The following MPPED1 variants were observed in gnomAD, a reference collection of about 807,000 sequenced individuals.
MPPED1 encodes metallophosphoesterase domain containing 1.
In MPPED1, 16 loss-of-function variants were observed where a neutral mutation model predicts 36.2. That is an observed-to-expected ratio of 0.44 (90% CI 0.30 to 0.67). MPPED1 has a LOEUF of 0.67. Among genes scored for constraint, MPPED1 ranks in the 30% least tolerant of loss-of-function variants. The pLI, the probability that MPPED1 is intolerant of heterozygous loss-of-function variation, is 0.10. For missense variants in MPPED1, 307 were observed against 453.4 expected, an observed-to-expected ratio of 0.68 and a Z score of 2.93; for synonymous variants, 199 against 191.3, an observed-to-expected ratio of 1.04 and a Z score of -0.33.
chr22:43,433,167 A>G (rs1275704565), intron 2 of MPPED1, among the ~76,000 whole-genome samples: 2 of 151,996 alleles, frequency 1.3e-5, no homozygotes, highest in Non-Finnish European at 2.9e-5. Context: ...ATTTCTGGGA[A>G]GGAGATTTCA....
At position 43,435,150 on chromosome 22, in the gene MPPED1, T is replaced by G; in HGVS notation, c.341T>G (p.Ile114Ser). Residue 114 changes from isoleucine (I) to serine (S), a missense_variant, in exon 3 of 7, where the codon ATC becomes AGC. Ile to Ser is a moderately radical substitution (Grantham distance 142, BLOSUM62 -2). Transcript: ENST00000443721. ...CAGATGCCGTACGGCGACGTGCTGA[T>G]CCACGCTGGGGACTTCACTGAGCTG... ...PIQMPYGDVL[I>S]HAGDFTELGL... 2 of 1,613,564 alleles carry G rather than the reference T, an allele frequency of 1.2e-6. No homozygotes were observed. Among genetic ancestry groups the G allele is most frequent in the Non-Finnish European group, 1.7e-6 (2 of 1,179,892 alleles).
intron 3 of MPPED1, among the ~76,000 whole-genome samples, chr22:43,460,646 G>T (rs75570736): frequency 0.049 from 7,504 of 152,148 alleles, 616 homozygotes; most frequent in African/African-American, 0.17. Context: ...GTCTCTGCTT[G>T]GTTAGCTTAG....
rs531949677 is a variant in MPPED1, at chr22:43,435,172, G to A, written c.363G>A (p.Glu121=). The change falls in exon 3 of 7, where the codon GAG becomes GAA. Residue 121 remains glutamate, a synonymous_variant. Transcript: ENST00000443721. The part of the protein sequence containing the change: ...DVLIHAGDFT[E]LGLPSEVKKF... ...TGATCCACGCTGGGGACTTCACTGA[G>A]CTGGGGCTCCCGAGCGAGGTGAAGA... The A allele has an allele frequency of 1.2e-6, 2 of 1,612,812 alleles. No individual in the cohort carries two copies. Among genetic ancestry groups the A allele is most frequent in the Admixed American group, 3.3e-5 (2 of 60,034 alleles).
Position 43,463,807 on chromosome 22 carries a change from T to TTTTG in MPPED1, c.407-10926_407-10925insGTTT, listed in dbSNP as rs1931043605. Among the ~76,000 whole-genome samples, 2 of 112,890 alleles carry TTTTG rather than the reference T, an allele frequency of 1.8e-5. 1 individual carries two copies. The highest frequency in any genetic ancestry group is 6.8e-5 in the African/African-American group (2 of 29,210). The allele number at this position is 112,890 out of a possible 152,430, so 74.1% of individuals were successfully genotyped here. ...ACTGTGGTTGATTTTTCATTTTTTC[T>TTTTG]TTTCTTTCTTTCTTTCTTTCTTTCT... On this transcript the variant is annotated intron_variant, in intron 3 of 6. Coordinates refer to ENST00000443721, the MANE Select transcript of MPPED1 (RefSeq NM_001044370.2).
At position 43,502,855 on chromosome 22, in the gene MPPED1, AG is replaced by A; in HGVS notation, c.862+99del. 9.9e-7 allele frequency: 1 copy of A among 1,006,478 alleles called. No individual in the cohort carries two copies. Among genetic ancestry groups the A allele is most frequent in the Non-Finnish European group, 1.6e-6 (1 of 638,572 alleles). 62.3% of individuals were successfully genotyped at this position (1,006,478 alleles called of 1,614,324 possible). ...TCGTTCAGCCAGAAGGGAAATAAAT[AG>A]CCCATTCCTACTGTTCGCTTTGTAA... is the stretch of plus-strand genomic sequence containing the variant. On this transcript the variant is annotated intron_variant, in intron 6 of 6. Transcript: ENST00000443721. This position sits in a 1 kb window ranked among gnomAD's most constrained non-coding sequence, Gnocchi z 5.5.
intron 1 of MPPED1, chr22:43,418,672 T>A (rs1318230383): frequency 1.9e-5 from 3 of 161,080 alleles, no homozygotes; most frequent in African/African-American, 7.2e-5. Flanking sequence ...GTTTCGTGTC[T>A]GGGTCCTGTG....
chr22:43,466,261 A>C (rs997266926), intron 3 of MPPED1, among the ~76,000 whole-genome samples: 1 of 152,162 alleles, frequency 6.6e-6, no homozygotes, highest in Non-Finnish European at 1.5e-5. Context: ...TGGAGGCTGG[A>C]TGAGGCCAGG....
At chr22:43,435,580 G>T (rs1028328677) in intron 3 of MPPED1, among the ~76,000 whole-genome samples, 2 of 152,180 alleles carry the variant, frequency 1.3e-5, no homozygotes, top group Non-Finnish European at 2.9e-5. Flanking sequence ...AATGAGGCCG[G>T]GTGCAGCAGC....
chr22:43,414,033 C>T (rs1429729291), intron 1 of MPPED1, among the ~76,000 whole-genome samples: 1 of 152,206 alleles, frequency 6.6e-6, no homozygotes, highest in African/African-American at 2.4e-5. Flanking sequence ...CACTCACATC[C>T]ACCCTGGCTG....
chr22:43,445,738 T>G (rs1744193144), intron 3 of MPPED1, among the ~76,000 whole-genome samples: 2 of 151,500 alleles, frequency 1.3e-5, no homozygotes, highest in African/African-American at 4.9e-5. Context: ...GCCTGGCTAA[T>G]TTTTGTATTT....
chr22:43,444,003 C>T (rs1210065749), intron 3 of MPPED1, among the ~76,000 whole-genome samples: 2 of 152,076 alleles, frequency 1.3e-5, no homozygotes, highest in African/African-American at 4.8e-5. Context: ...ATGGCTTGTG[C>T]AGCAGAGGTT....
At chr22:43,499,182 ATGG>A (rs748688499) in intron 5 of MPPED1, among the ~76,000 whole-genome samples, 125 of 130,872 alleles carry the variant, frequency 9.6e-4, no homozygotes, top group East Asian at 4.8e-3. Flanking sequence ...GGAGGTGGAG[ATGG>A]TGGTGGTGGT....
At chr22:43,482,853 C>T (rs779099618) in intron 4 of MPPED1, among the ~76,000 whole-genome samples, 2 of 152,200 alleles carry the variant, frequency 1.3e-5, no homozygotes, top group Non-Finnish European at 2.9e-5. Flanking sequence ...TCCCTTTTTG[C>T]GCTTAGCAGG....
At chr22:43,478,775 C>T (rs1360720449) in intron 4 of MPPED1, among the ~76,000 whole-genome samples, 1 of 152,154 alleles carries the variant, frequency 6.6e-6, no homozygotes, top group Non-Finnish European at 1.5e-5. Flanking sequence ...ACCCACCGTG[C>T]TGCTGGTAGC....
chr22:43,419,671 G>A (rs183261695), intron 1 of MPPED1, among the ~76,000 whole-genome samples: 2 of 151,898 alleles, frequency 1.3e-5, no homozygotes, highest in Admixed American at 6.6e-5. Context: ...ACATTCCTTC[G>A]GGAGGCCGGT....
intron 3 of MPPED1, 107 bp downstream of exon 3, chr22:43,435,322 C>G: frequency 8.0e-7 from 1 of 1,255,584 alleles, no homozygotes; most frequent in Non-Finnish European, 1.1e-6. Flanking sequence ...GCCCGGGCCC[C>G]CTCCTTGGCC....
intron 3 of MPPED1, among the ~76,000 whole-genome samples, chr22:43,453,546 TG>T (rs965181408): frequency 1.1e-4 from 16 of 152,192 alleles, no homozygotes; most frequent in African/African-American, 3.9e-4. Flanking sequence ...GATGGGGGTG[TG>T]GGGGATGAGG....
chr22:43,477,087 G>A (rs1026862059), intron 4 of MPPED1, among the ~76,000 whole-genome samples: 12 of 152,332 alleles, frequency 7.9e-5, no homozygotes, highest in African/African-American at 2.9e-4. Context: ...TGAGATCCAG[G>A]AGGGCTCCCT....
chr22:43,418,140 T>C, intron 1 of MPPED1: 1 of 456,284 alleles, frequency 2.2e-6, no homozygotes, highest in South Asian at 1.5e-5. Context: ...ATGGCTGCCT[T>C]ACCGGCCTGG....
Sources: gnomAD v4.1 joint callset for allele counts (sites outside exome capture counted in the v4.1 genomes callset) on GRCh38, gnomAD v4.1.1 for gene constraint, Gnocchi (gnomAD v3.1) non-coding constraint, MANE v1.5 for transcripts, NCBI Gene and HGNC (gene_info 2026-07-23, HGNC 2026-07-21) for gene names.